The following STIMATE variants were observed in gnomAD, a reference collection of about 807,000 sequenced individuals.
The protein encoded by STIMATE is STIM activating enhancer.
STIMATE carries 15 observed loss-of-function variants against 36.7 expected under a neutral mutation model. The ratio of observed to expected loss-of-function variants is 0.41; its 90% CI spans 0.27 to 0.63. The LOEUF is 0.63. Among genes scored for constraint, STIMATE ranks in the 20% least tolerant of loss-of-function variants. STIMATE has a pLI of 0.32. For missense variants in STIMATE, 305 were observed against 397.3 expected, an observed-to-expected ratio of 0.77 and a Z score of 1.98; for synonymous variants, 163 against 162.3, an observed-to-expected ratio of 1.00 and a Z score of -0.03.
At chr3:52,859,531 A>AAAAAAAAAATTT (rs748928249) in intron 1 of STIMATE, among the ~76,000 whole-genome samples, 1 of 18,826 alleles carries the variant, frequency 5.3e-5, no homozygotes, top group Non-Finnish European at 1.2e-4. Flanking sequence ...AAAAAAAAAA[A>AAAAAAAAAATTT]TTTTTTTTTT....
chr3:52,878,094 A>G (rs1480809599), intron 1 of STIMATE, among the ~76,000 whole-genome samples: 20 of 136,816 alleles, frequency 1.5e-4, no homozygotes, highest in African/African-American at 5.1e-4. Context: ...ACTCCGTCTT[A>G]AAAAAAAAAA....
At chr3:52,876,980 A>AAT (rs1701511753) in intron 1 of STIMATE, among the ~76,000 whole-genome samples, 1 of 152,222 alleles carries the variant, frequency 6.6e-6, no homozygotes, top group Admixed American at 6.5e-5. Context: ...CTACATTTAT[A>AAT]ATATATACAT....
intron 1 of STIMATE, among the ~76,000 whole-genome samples, chr3:52,860,020 C>T (rs1022735209): frequency 8.7e-5 from 13 of 149,754 alleles, no homozygotes; most frequent in African/African-American, 4.9e-5. Flanking sequence ...TTCCTCTCCA[C>T]CTCCTATCCC....
At chr3:52,850,433 A>AAAAACAAAACAAAAC (rs71087025) in intron 3 of STIMATE, among the ~76,000 whole-genome samples, 32 of 151,064 alleles carry the variant, frequency 2.1e-4, no homozygotes, top group African/African-American at 3.7e-4. Flanking sequence ...TCTGTCTCAA[A>AAAAACAAAACAAAAC]AAAACAAAAC....
chr3:52,859,105 T>C (rs1456957106), intron 1 of STIMATE, among the ~76,000 whole-genome samples: 1 of 149,016 alleles, frequency 6.7e-6, no homozygotes, highest in Non-Finnish European at 1.5e-5. Context: ...GAGGTTGCAG[T>C]GAGCCAAGAT....
intron 4 of STIMATE, among the ~76,000 whole-genome samples, chr3:52,845,778 AGGGTGGCTCCTG>A (rs1442002107): frequency 6.6e-6 from 1 of 152,096 alleles, no homozygotes; most frequent in Non-Finnish European, 1.5e-5. Context: ...GAAGAACCCT[AGGGTGGCTCCTG>A]GGAGCCACAT....
At chr3:52,862,575 A>G (rs1314175486) in intron 1 of STIMATE, among the ~76,000 whole-genome samples, 6 of 152,230 alleles carry the variant, frequency 3.9e-5, no homozygotes, top group African/African-American at 1.2e-4. Flanking sequence ...TTCAAAGAGT[A>G]TATTATTTTA....
In STIMATE at chr3:52,840,199, C is replaced by G. The variant is rs761043285; in HGVS notation, c.*295G>C. 1.0e-5 allele frequency: 2 copies of G among 198,640 alleles called. No individual in the cohort carries two copies. Among genetic ancestry groups the G allele is most frequent in the African/African-American group, 2.3e-5 (1 of 42,948 alleles). The allele number at this position is 198,640 out of a possible 1,614,324, so 12.3% of individuals were successfully genotyped here. A position where few individuals can be genotyped will look rare whatever the true frequency, so the allele number is the denominator to read the frequency against. On this transcript the variant is annotated 3_prime_UTR_variant, in exon 8 of 8. Coordinates refer to ENST00000355083, the MANE Select transcript of STIMATE (RefSeq NM_198563.5). ...ACGGGGCAGGGCCTCAGGTCCCTCA[C>G]AACACTGTCTGGGACGACAACAAAC...
At chr3:52,845,335 C>G (rs1330566080) in intron 4 of STIMATE, among the ~76,000 whole-genome samples, 1 of 152,240 alleles carries the variant, frequency 6.6e-6, no homozygotes, top group Non-Finnish European at 1.5e-5. Context: ...GGGGCTGCCC[C>G]TCCCTTCTCT....
intron 1 of STIMATE, among the ~76,000 whole-genome samples, chr3:52,877,018 A>C (rs569028214): frequency 6.6e-6 from 1 of 152,348 alleles, no homozygotes; most frequent in East Asian, 1.9e-4. Context: ...CTTGTGATAA[A>C]AAGTCAACTC....
At chr3:52,878,162 G>C (rs1701535197) in intron 1 of STIMATE, among the ~76,000 whole-genome samples, 2 of 151,828 alleles carry the variant, frequency 1.3e-5, no homozygotes, top group Non-Finnish European at 2.9e-5. Context: ...GTCTCAGACA[G>C]ATAAAGTCAG....
At position 52,838,520 on chromosome 3, in the gene STIMATE, T is replaced by C. The variant is rs140740227; in HGVS notation, c.*1974A>G. The C allele has an allele frequency of 6.6e-6, 1 of 152,342 alleles. No individual in the cohort carries two copies. Among genetic ancestry groups the C allele is most frequent in the East Asian group, 1.9e-4 (1 of 5,192 alleles). 9.4% of individuals were successfully genotyped at this position (152,342 alleles called of 1,614,324 possible). A position where few individuals can be genotyped will look rare whatever the true frequency, so the allele number is the denominator to read the frequency against. ...TTCCTAAATTCGACTGAGAATGGCCTGGTTCTAGCCACTCTTCCCCACTAG... is the reference window on the plus strand; with the variant it reads ...TTCCTAAATTCGACTGAGAATGGCCCGGTTCTAGCCACTCTTCCCCACTAG... On this transcript the variant is annotated 3_prime_UTR_variant, in exon 8 of 8. Coordinates refer to ENST00000355083, the MANE Select transcript of STIMATE (RefSeq NM_198563.5).
At chr3:52,861,158 G>A (rs1273179799) in intron 1 of STIMATE, among the ~76,000 whole-genome samples, 2 of 152,204 alleles carry the variant, frequency 1.3e-5, no homozygotes, top group Non-Finnish European at 2.9e-5. Context: ...ATGGAGGGTA[G>A]CAGCCACACC....
chr3:52,881,321 T>C (rs1332115420), intron 1 of STIMATE, among the ~76,000 whole-genome samples: 1 of 151,958 alleles, frequency 6.6e-6, no homozygotes, highest in Non-Finnish European at 1.5e-5. Context: ...ACAAACCGCC[T>C]CTCTGAAATC....
rs966835412 is a variant in STIMATE at position 52,897,535 on chromosome 3, G to C, written c.-85C>G. On this transcript the variant is annotated 5_prime_UTR_variant, in exon 1 of 8. Transcript: ENST00000355083. ...GCGCAGCGCCGCCAAACCCGCAGCC[G>C]GGATCCCAAGCCTGAGCCGGTACCT... 4.2e-6 allele frequency: 5 copies of C among 1,179,362 alleles called. No homozygotes were observed. Among genetic ancestry groups the C allele is most frequent in the Non-Finnish European group, 5.2e-6 (5 of 955,064 alleles). The allele number at this position is 1,179,362 out of a possible 1,614,324, so 73.1% of individuals were successfully genotyped here.
At chr3:52,875,282 T>C (rs777596161) in intron 1 of STIMATE, among the ~76,000 whole-genome samples, 12 of 152,208 alleles carry the variant, frequency 7.9e-5, no homozygotes, top group Non-Finnish European at 1.3e-4. Context: ...AGAACTGACC[T>C]TCACTGCAAC....
At chr3:52,872,630 T>A (rs555324423) in intron 1 of STIMATE, among the ~76,000 whole-genome samples, 12 of 152,378 alleles carry the variant, frequency 7.9e-5, no homozygotes, top group South Asian at 6.2e-4. Flanking sequence ...TCTATTTTTT[T>A]AATTTTATTT....
chr3:52,865,369 C>G (rs951170823), intron 1 of STIMATE, among the ~76,000 whole-genome samples: 1 of 152,172 alleles, frequency 6.6e-6, no homozygotes, highest in Non-Finnish European at 1.5e-5. Context: ...TTTTGGGTAT[C>G]TTTTCAGCAA....
At chr3:52,870,075 G>C (rs180776793) in intron 1 of STIMATE, among the ~76,000 whole-genome samples, 2 of 152,186 alleles carry the variant, frequency 1.3e-5, no homozygotes, top group Admixed American at 6.5e-5. Context: ...CAGGAAACAA[G>C]AAAGCACACA....
Sources: allele counts gnomAD v4.1 joint callset (sites outside exome capture counted in the v4.1 genomes callset), GRCh38; gene constraint gnomAD v4.1.1; transcripts MANE v1.5; gene names NCBI Gene and HGNC (gene_info 2026-07-23, HGNC 2026-07-21).